The following ENO1 variants were observed in gnomAD, a reference collection of about 807,000 sequenced individuals.
ENO1 encodes enolase 1.
A neutral mutation model predicts 46.3 loss-of-function variants in ENO1; 33 were observed. The ratio of observed to expected loss-of-function variants is 0.71; its 90% CI spans 0.54 to 0.95. The LOEUF is 0.95. Among genes scored for constraint, ENO1 ranks in the 40% least tolerant of loss-of-function variants. ENO1 has a pLI of 0.00. For missense variants in ENO1, 488 were observed against 553.3 expected (o/e 0.88, Z 1.18); for synonymous variants, 220 against 216.0 (o/e 1.02, Z -0.16).
Position 8,863,734 on chromosome 1 carries a change from A to C in ENO1, c.1067+157T>G, listed in dbSNP as rs758344197. On this transcript the variant is annotated intron_variant, in intron 9 of 11. Coordinates refer to ENST00000234590, the MANE Select transcript of ENO1 (RefSeq NM_001428.5). Reference sequence around the variant, plus strand: ...TGGGATTACAGGCCCCAATTGTTTAATTTAAAAGGCTCCTGAGTTCAAACA... The same window carrying C: ...TGGGATTACAGGCCCCAATTGTTTACTTTAAAAGGCTCCTGAGTTCAAACA... 9.2e-5 allele frequency among the ~76,000 whole-genome samples: 14 copies of C among 152,154 alleles called. No individual in the cohort carries two copies. The highest frequency in any genetic ancestry group is 1.9e-4 in the Non-Finnish European group (13 of 68,020).
intron 1 of ENO1, among the ~76,000 whole-genome samples, chr1:8,876,607 G>A (rs1247583092): frequency 2.6e-5 from 4 of 152,088 alleles, no homozygotes; most frequent in Admixed American, 6.5e-5. Context: ...TAAGACGAAA[G>A]AAAGTCTTGG....
intron 1 of ENO1, 120 bp from the exon 2 acceptor site, chr1:8,875,037 T>G (rs1642707661): frequency 2.7e-6 from 2 of 731,394 alleles, no homozygotes; most frequent in Non-Finnish European, 4.4e-6. Flanking sequence ...GACTAAATAC[T>G]GGATGTAGGA....
intron 4 of ENO1, among the ~76,000 whole-genome samples, chr1:8,868,447 C>T (rs1332586579): frequency 1.3e-5 from 2 of 152,184 alleles, no homozygotes; most frequent in Non-Finnish European, 2.9e-5. Flanking sequence ...TCACTGTTCA[C>T]TCAAGCAGGC....
chr1:8,875,959 A>G (rs1227796728), intron 1 of ENO1: 1 of 152,158 alleles, frequency 6.6e-6, no homozygotes, highest in African/African-American at 2.4e-5. Context: ...ACGGGGTTTT[A>G]TAATTTGTAA....
chr1:8,868,325 TC>T (rs1557583111), intron 4 of ENO1, among the ~76,000 whole-genome samples: 1 of 152,050 alleles, frequency 6.6e-6, no homozygotes, highest in Non-Finnish European at 1.5e-5. Context: ...AGGTTAATAG[TC>T]TACCCAGGGA....
intron 1 of ENO1, among the ~76,000 whole-genome samples, chr1:8,877,058 C>T (rs572882111): frequency 1.3e-5 from 2 of 151,558 alleles, no homozygotes; most frequent in Admixed American, 1.3e-4. Context: ...GACACGATCT[C>T]GACTCACTGC....
At chr1:8,862,363 G>A (rs28999097) in intron 11 of ENO1, among the ~76,000 whole-genome samples, 6,166 of 152,000 alleles carry the variant, frequency 0.041, 375 homozygotes, top group African/African-American at 0.14. Context: ...GGTAATATGG[G>A]AGAACTTAGC....
intron 3 of ENO1, 166 bp from the exon 4 acceptor site, chr1:8,870,676 G>A (rs542103854): frequency 4.7e-4 from 696 of 1,476,166 alleles, no homozygotes; most frequent in Admixed American, 9.1e-4. Flanking sequence ...AGGACTTTCC[G>A]GCCCAGTCTG....
chr1:8,871,792 C>A, intron 3 of ENO1, 99 bp downstream of exon 3: 1 of 1,387,682 alleles, frequency 7.2e-7, no homozygotes. Flanking sequence ...CTGCCATAAA[C>A]CTGCAAGTGC....
chr1:8,861,480 C>G, intron 11 of ENO1, 51 bp from the exon 12 acceptor site: 1 of 1,603,126 alleles, frequency 6.2e-7, no homozygotes. Flanking sequence ...AAAAGTCAGA[C>G]CTCAAGTTTT....
At chr1:8,877,120 G>T (rs1027604803) in intron 1 of ENO1, among the ~76,000 whole-genome samples, 11 of 152,038 alleles carry the variant, frequency 7.2e-5, no homozygotes, top group African/African-American at 2.7e-4. Flanking sequence ...ACCACACCCG[G>T]CTAATTTTTT....
At chr1:8,870,936 G>A (rs546556538) in intron 3 of ENO1, 50 of 1,253,094 alleles carry the variant, frequency 4.0e-5, no homozygotes, top group African/African-American at 4.6e-5. Context: ...GAAGAGAACC[G>A]GTGATTAAGG....
intron 7 of ENO1, 157 bp downstream of exon 7, chr1:8,866,122 T>A: frequency 1.5e-5 from 8 of 521,984 alleles, no homozygotes; most frequent in Non-Finnish European, 2.6e-5. Flanking sequence ...AAAATGAAGC[T>A]CCCCTTTTCC....
intron 11 of ENO1, 80 bp downstream of exon 11, chr1:8,862,807 G>C: frequency 6.7e-7 from 1 of 1,498,210 alleles, no homozygotes; most frequent in African/African-American, 1.4e-5. Context: ...AGGAGCTCCT[G>C]GGGGAGGGCA....
chr1:8,864,137 G>A (rs759620048), intron 8 of ENO1, 45 bp from the exon 9 acceptor site: 1 of 1,599,496 alleles, frequency 6.3e-7, no homozygotes, highest in African/African-American at 1.3e-5. Flanking sequence ...TCCTCCCAGT[G>A]TGCTCCACCG....
chr1:8,878,417 G>A (rs1642782219), intron 1 of ENO1, 163 bp downstream of exon 1: 1 of 330,450 alleles, frequency 3.0e-6, no homozygotes, highest in Admixed American at 4.6e-5. Context: ...CTCGGGGTGA[G>A]CGGGGGCGCC....
Position 8,864,595 on chromosome 1 carries a change from T to C in ENO1, c.866-503A>G, listed in dbSNP as rs546746085. On this transcript the variant is annotated intron_variant, in intron 8 of 11. Coordinates refer to ENST00000234590, the MANE Select transcript of ENO1 (RefSeq NM_001428.5). ...CTAGGATTCCAGGCGTGAGCCACCA[T>C]ATGCCCAGCCTCAAAAATTTTGTTT... is the stretch of plus-strand genomic sequence containing the variant. Among the ~76,000 whole-genome samples, 12 of 152,260 alleles carry C rather than the reference T, an allele frequency of 7.9e-5. No individual in the cohort carries two copies. The East Asian group carries it at 2.3e-3, about 29-fold the overall frequency.
At chr1:8,872,055 C>G in intron 2 of ENO1, 69 bp from the exon 3 acceptor site, 1 of 1,338,788 alleles carries the variant, frequency 7.5e-7, no homozygotes, top group Non-Finnish European at 1.1e-6. Context: ...CAAGTCCCCT[C>G]CCGCCCACAG....
chr1:8,863,853 T>G (rs1642454494), intron 9 of ENO1, 38 bp downstream of exon 9: 1 of 1,609,952 alleles, frequency 6.2e-7, no homozygotes, highest in East Asian at 2.2e-5. Context: ...TCACAAGCCG[T>G]AGCTGCGGGA....
Sources: allele counts gnomAD v4.1 joint callset (sites outside exome capture counted in the v4.1 genomes callset), GRCh38; gene constraint gnomAD v4.1.1; transcripts MANE v1.5; gene names NCBI Gene and HGNC (gene_info 2026-07-23, HGNC 2026-07-21).